TFG: variants seen among roughly 807,000 people sequenced by gnomAD.
TFG encodes the protein trafficking from ER to golgi regulator, also known as protein TFG.
In TFG, 22 loss-of-function variants were observed where a neutral mutation model predicts 51.4. The ratio of observed to expected loss-of-function variants is 0.43; its 90% CI spans 0.31 to 0.61. TFG has a LOEUF of 0.61. TFG is among the 20% of genes least tolerant of loss of function. TFG has a pLI of 0.12. For missense variants in TFG, 419 were observed against 487.7 expected (o/e 0.86, Z 1.33); for synonymous variants, 187 against 165.6 (o/e 1.13, Z -0.99).
chr3:100,738,490 A>G (rs1168181947), intron 6 of TFG, among the ~76,000 whole-genome samples: 3 of 152,332 alleles, frequency 2.0e-5, no homozygotes, highest in East Asian at 3.9e-4. Context: ...AGCAATATCT[A>G]AACATTCTAT....
intron 6 of TFG, among the ~76,000 whole-genome samples, chr3:100,737,250 A>G (rs79468618): frequency 0.03 from 4,526 of 152,322 alleles, 183 homozygotes; most frequent in African/African-American, 0.092. Flanking sequence ...TTCTGAAATA[A>G]TCTGTCCTTG....
At chr3:100,733,180 G>A (rs973586236) in intron 5 of TFG, among the ~76,000 whole-genome samples, 2 of 151,968 alleles carry the variant, frequency 1.3e-5, no homozygotes, top group African/African-American at 4.8e-5. Flanking sequence ...TTAACTTTTG[G>A]TTATAATTTC....
upstream of TFG, chr3:100,709,406 C>T (rs1439303384): frequency 2.0e-5 from 3 of 152,510 alleles, no homozygotes; most frequent in Non-Finnish European, 2.9e-5. Context: ...AGCCCTGCGC[C>T]TCGCGCCGTC....
intron 2 of TFG, among the ~76,000 whole-genome samples, chr3:100,714,621 TA>T (rs933310051): frequency 5.9e-5 from 9 of 152,344 alleles, no homozygotes; most frequent in Non-Finnish European, 1.2e-4. Flanking sequence ...TGGTTTCTTT[TA>T]GCTTAAAAAA....
Position 100,723,654 on chromosome 3 carries a change from T to G in TFG, c.268+3596T>G, listed in dbSNP as rs535121293. On this transcript the variant is annotated intron_variant, in intron 3 of 7. Coordinates refer to ENST00000240851, the MANE Select transcript of TFG (RefSeq NM_006070.6). ...ACTTTATGATGATAAAAAGAATAATTCACTAGGACTATATAGCAATCTGAA... is the reference window on the plus strand; with the variant it reads ...ACTTTATGATGATAAAAAGAATAATGCACTAGGACTATATAGCAATCTGAA... Among the ~76,000 whole-genome samples the G allele has an allele frequency of 2.0e-5, 3 of 152,220 alleles. No homozygotes were observed. The South Asian group carries it at 6.2e-4, about 32-fold the overall frequency.
At chr3:100,723,231 A>C (rs2149070848) in intron 3 of TFG, among the ~76,000 whole-genome samples, 1 of 152,330 alleles carries the variant, frequency 6.6e-6, no homozygotes, top group Non-Finnish European at 1.5e-5. Context: ...AATTACCTTT[A>C]GATTTTTTTA....
intron 7 of TFG, among the ~76,000 whole-genome samples, 168 bp from the exon 8 acceptor site, chr3:100,747,981 A>G (rs2095149787): frequency 6.6e-6 from 1 of 152,180 alleles, no homozygotes; most frequent in African/African-American, 2.4e-5. Flanking sequence ...CCTCTTTGAT[A>G]ACTACTTGGT....
chr3:100,737,142 G>GT (rs369887753), intron 6 of TFG, among the ~76,000 whole-genome samples: 66 of 152,016 alleles, frequency 4.3e-4, no homozygotes, highest in African/African-American at 1.4e-3. Context: ...GTTGTAGTGG[G>GT]TTTTTTTTGT....
At chr3:100,709,368 C>T (rs1436426675), upstream of TFG, 2 of 152,542 alleles carry the variant, frequency 1.3e-5, no homozygotes, top group African/African-American at 4.8e-5. Flanking sequence ...AGCAGGGACT[C>T]TTCGGCCTAG....
chr3:100,727,329 G>A (rs983397884), intron 3 of TFG, among the ~76,000 whole-genome samples: 1 of 150,024 alleles, frequency 6.7e-6, no homozygotes, highest in African/African-American at 2.4e-5. Flanking sequence ...GTAGGAGATT[G>A]TATTGAACTT....
rs75064040 is a variant in TFG, at chr3:100,726,684, A to G, written c.269-2028A>G. On this transcript the variant is annotated intron_variant, in intron 3 of 7. Coordinates refer to ENST00000240851, the MANE Select transcript of TFG (RefSeq NM_006070.6). Reference sequence around the variant, plus strand: ...ACCACCAGGAACACACCTGTAGTTGAATGAAGTTGGGTTTACTGACTTACT... The same window carrying G: ...ACCACCAGGAACACACCTGTAGTTGGATGAAGTTGGGTTTACTGACTTACT... Among the ~76,000 whole-genome samples, 3,077 of 152,248 alleles carry G rather than the reference A, an allele frequency of 0.02. 326 individuals carry two copies. In the East Asian group the frequency reaches 0.35, roughly 17 times the overall value.
chr3:100,716,763 T>A (rs1197336806), intron 2 of TFG, among the ~76,000 whole-genome samples: 1 of 152,182 alleles, frequency 6.6e-6, no homozygotes, highest in African/African-American at 2.4e-5. Flanking sequence ...GTCTTCATTT[T>A]CCTGATATGT....
intron 2 of TFG, among the ~76,000 whole-genome samples, chr3:100,715,185 T>C (rs1294568928): frequency 3.3e-5 from 5 of 152,214 alleles, no homozygotes; most frequent in African/African-American, 4.8e-5. Context: ...CCAGCAGATA[T>C]AATAGAAATC....
At chr3:100,719,353 A>G (rs1425873238) in intron 2 of TFG, among the ~76,000 whole-genome samples, 1 of 152,182 alleles carries the variant, frequency 6.6e-6, no homozygotes, top group African/African-American at 2.4e-5. Context: ...AGCTTTTGAG[A>G]CACACAGTTG....
rs778506905 is a variant in TFG, at chr3:100,748,392, G to A, written c.1064G>A (p.Gly355Glu). 3.7e-6 allele frequency: 6 copies of A among 1,614,090 alleles called. No homozygotes were observed. Among genetic ancestry groups the A allele is most frequent in the Admixed American group, 3.3e-5 (2 of 60,004 alleles). The change falls in exon 8 of 8, where the codon GGG (glycine) becomes GAG (glutamate). Residue 355 changes from glycine to glutamate, a missense_variant. Transcript: ENST00000240851. ...CCTGGAATGGCTCCAAGCCAACCTG[G>A]GGCCTATCAACCAAGACCAGGTTTT... ...SQPGMAPSQP[G>E]AYQPRPGFTS...
chr3:100,716,685 A>G (rs2095047422), intron 2 of TFG, among the ~76,000 whole-genome samples: 1 of 152,078 alleles, frequency 6.6e-6, no homozygotes, highest in South Asian at 2.1e-4. Flanking sequence ...TTTTCTCTTC[A>G]TTCTTGCCAG....
At chr3:100,714,853 T>C (rs2095041249) in intron 2 of TFG, among the ~76,000 whole-genome samples, 1 of 152,236 alleles carries the variant, frequency 6.6e-6, no homozygotes, top group Non-Finnish European at 1.5e-5. Context: ...ATTATCTTTA[T>C]GGAAATAGGT....
chr3:100,728,590 A>G, intron 3 of TFG, 122 bp from the exon 4 acceptor site: 1 of 788,654 alleles, frequency 1.3e-6, no homozygotes, highest in Non-Finnish European at 1.9e-6. Context: ...AAGTTACTCC[A>G]TTACATTGAT....
chr3:100,736,565 T>G lies in TFG; in HGVS notation c.581-11T>G. 1 of 1,612,922 alleles carries G rather than the reference T, an allele frequency of 6.2e-7. No homozygotes were observed. Among genetic ancestry groups the G allele is most frequent in the Non-Finnish European group, 8.5e-7 (1 of 1,179,278 alleles). On this transcript the variant is annotated splice_polypyrimidine_tract_variant and intron_variant, in intron 5 of 7. Coordinates refer to ENST00000240851, the MANE Select transcript of TFG (RefSeq NM_006070.6). ...GTTGGATACTAAACTGACTTTTTTT[T>G]GACTATCCAGGGCCACCCAGTGCTC...
Sources: allele counts gnomAD v4.1 joint callset (sites outside exome capture counted in the v4.1 genomes callset), GRCh38; gene constraint gnomAD v4.1.1; transcripts MANE v1.5; gene names NCBI Gene and HGNC (gene_info 2026-07-23, HGNC 2026-07-21).